Variants in MSRA observed in about 807,000 individuals in gnomAD.
The protein encoded by MSRA is mitochondrial peptide methionine sulfoxide reductase.
MSRA carries 54 observed loss-of-function variants against 31.3 expected under a neutral mutation model. The ratio of observed to expected loss-of-function variants is 1.73; its 90% CI spans 1.39 to 2.17. The LOEUF is 2.17. Ranked by LOEUF, MSRA falls within the 30% of genes most tolerant of loss-of-function variation. The pLI is 0.00. For missense variants in MSRA, 507 were observed against 300.9 expected (o/e 1.69, Z -5.07); for synonymous variants, 169 against 116.5 (o/e 1.45, Z -2.90).
chr8:10,063,462 C>T (rs780449783), intron 1 of MSRA, among the ~76,000 whole-genome samples: 7 of 152,220 alleles, frequency 4.6e-5, no homozygotes, highest in Non-Finnish European at 1.0e-4. Flanking sequence ...TCCACTTCCA[C>T]CCCGAGGCTG....
intron 2 of MSRA, among the ~76,000 whole-genome samples, chr8:10,222,448 G>A (rs1810600218): frequency 2.0e-5 from 3 of 152,060 alleles, no homozygotes; most frequent in African/African-American, 7.2e-5. Context: ...CAGTGTGGAG[G>A]TTTGTAAAAA....
chr8:10,083,045 A>G (rs555031884), intron 1 of MSRA, among the ~76,000 whole-genome samples: 15 of 152,350 alleles, frequency 9.8e-5, no homozygotes, highest in African/African-American at 3.4e-4. Context: ...GGGTGCATTT[A>G]TCAAGAATTT....
chr8:10,193,268 T>C (rs76193164), intron 1 of MSRA, among the ~76,000 whole-genome samples: 6,818 of 152,280 alleles, frequency 0.045, 237 homozygotes, highest in South Asian at 0.11. Context: ...TGGGCCTGCC[T>C]TAGACCCCAT....
At chr8:10,188,484 G>A (rs1229533278) in intron 1 of MSRA, among the ~76,000 whole-genome samples, 6 of 152,154 alleles carry the variant, frequency 3.9e-5, no homozygotes, top group Non-Finnish European at 7.4e-5. Flanking sequence ...CCACAATTAC[G>A]GATTTCGAGT....
intron 5 of MSRA, among the ~76,000 whole-genome samples, chr8:10,426,656 G>A (rs527581443): frequency 4.6e-5 from 7 of 152,348 alleles, no homozygotes; most frequent in South Asian, 2.1e-4. Flanking sequence ...CCGCCTGTGC[G>A]GTACGAGGGT....
intron 3 of MSRA, among the ~76,000 whole-genome samples, chr8:10,293,678 C>T (rs1800372212): frequency 6.6e-6 from 1 of 152,206 alleles, no homozygotes; most frequent in Admixed American, 6.5e-5. Flanking sequence ...TACTGCAGGT[C>T]TCCGTAAAGG....
At chr8:10,206,459 A>G (rs1808984739) in intron 1 of MSRA, among the ~76,000 whole-genome samples, 1 of 152,210 alleles carries the variant, frequency 6.6e-6, no homozygotes, top group African/African-American at 2.4e-5. Flanking sequence ...GAAGCCCCAG[A>G]AGGGAACTGA....
At chr8:10,197,990 C>T (rs930851795) in intron 1 of MSRA, among the ~76,000 whole-genome samples, 2 of 152,168 alleles carry the variant, frequency 1.3e-5, no homozygotes, top group African/African-American at 4.8e-5. Context: ...GAGAGGGTGA[C>T]TGCTTTCTCT....
intron 1 of MSRA, among the ~76,000 whole-genome samples, chr8:10,136,015 A>G (rs576195610): frequency 2.6e-5 from 4 of 152,044 alleles, no homozygotes; most frequent in South Asian, 2.1e-4. Context: ...GGGGACCTGC[A>G]TGTCGGGTGA....
intron 1 of MSRA, among the ~76,000 whole-genome samples, chr8:10,177,409 G>A (rs1033059308): frequency 6.6e-6 from 1 of 152,144 alleles, no homozygotes. Flanking sequence ...TCCTAGAGTC[G>A]ATTGCTTTTT....
chr8:10,075,695 A>G (rs1459272895), intron 1 of MSRA, among the ~76,000 whole-genome samples: 1 of 152,238 alleles, frequency 6.6e-6, no homozygotes, highest in African/African-American at 2.4e-5. Flanking sequence ...ATTTTACGAT[A>G]TAACAAGTTC....
Position 10,160,087 on chromosome 8 carries a change from T to G in MSRA, c.143-47746T>G, listed in dbSNP as rs1804504782. On this transcript the variant is annotated intron_variant, in intron 1 of 5. Transcript: ENST00000317173. Reference sequence around the variant, plus strand: ...CTTTTCATTTTTTACACTTTGTCAGTTGAAGATGTGCAAAGAAGTCCATTT... The same window carrying G: ...CTTTTCATTTTTTACACTTTGTCAGGTGAAGATGTGCAAAGAAGTCCATTT... Among the ~76,000 whole-genome samples, 4 of 152,226 alleles carry G rather than the reference T, an allele frequency of 2.6e-5. 1 individual carries two copies. The South Asian group carries it at 8.3e-4, about 32-fold the overall frequency.
At chr8:10,423,246 C>G (rs1207565768) in intron 5 of MSRA, among the ~76,000 whole-genome samples, 1 of 152,294 alleles carries the variant, frequency 6.6e-6, no homozygotes, top group South Asian at 2.1e-4. Flanking sequence ...CTCCTGAGGG[C>G]CAATGAGAGG....
chr8:10,103,376 G>C (rs991088083), intron 1 of MSRA, among the ~76,000 whole-genome samples: 1 of 152,146 alleles, frequency 6.6e-6, no homozygotes, highest in Non-Finnish European at 1.5e-5. Flanking sequence ...TATATTGTCA[G>C]GGTTCTTACG....
chr8:10,239,943 G>T (rs931572529), intron 2 of MSRA, among the ~76,000 whole-genome samples: 1 of 152,170 alleles, frequency 6.6e-6, no homozygotes. Context: ...GCTGTGCCTT[G>T]GGGCTATTCC....
rs371262633 is a variant in MSRA, at chr8:10,319,850, C to T, written c.437-33C>T. 9.4e-5 allele frequency: 129 copies of T among 1,370,170 alleles called. No individual in the cohort carries two copies. In the African/African-American group the frequency reaches 1.7e-3, roughly 18 times the overall value. 84.9% of individuals were successfully genotyped at this position (1,370,170 alleles called of 1,614,324 possible). On this transcript the variant is annotated intron_variant, in intron 4 of 5. Coordinates refer to ENST00000317173, the MANE Select transcript of MSRA (RefSeq NM_012331.5). ...TGAGACTGGCACTGTCGCCTAGTGA[C>T]CGGGTAACCCTCCCTGTTTTCTGCT...
At chr8:10,427,884 A>C (rs1338114556) in intron 5 of MSRA, among the ~76,000 whole-genome samples, 2 of 152,178 alleles carry the variant, frequency 1.3e-5, no homozygotes, top group Non-Finnish European at 2.9e-5. Flanking sequence ...TTGGGATGGC[A>C]GGGGTGTGGG....
intron 1 of MSRA, chr8:10,095,549 A>G (rs1799093510): frequency 4.1e-6 from 4 of 985,566 alleles, no homozygotes; most frequent in Non-Finnish European, 3.6e-6. Flanking sequence ...ACTGGGAGCA[A>G]AAGAGTGAGA....
intron 5 of MSRA, among the ~76,000 whole-genome samples, chr8:10,356,789 T>C (rs1804533129): frequency 6.6e-6 from 1 of 151,932 alleles, no homozygotes; most frequent in South Asian, 2.1e-4. Context: ...TAAATTCGTG[T>C]TGTTCATAAG....
Sources: gnomAD v4.1 joint callset for allele counts (sites outside exome capture counted in the v4.1 genomes callset) on GRCh38, gnomAD v4.1.1 for gene constraint, MANE v1.5 for transcripts, NCBI Gene and HGNC (gene_info 2026-07-23, HGNC 2026-07-21) for gene names.